PHIP: variants seen among roughly 807,000 people sequenced by gnomAD.
The protein encoded by PHIP is PH-interacting protein.
Under a neutral mutation model 236.8 loss-of-function variants are expected in PHIP, and 54 were observed. The ratio of observed to expected loss-of-function variants is 0.23; its 90% CI spans 0.18 to 0.29. The LOEUF (loss-of-function observed/expected upper bound fraction) is 0.29. Among genes scored for constraint, PHIP ranks in the 10% least tolerant of loss-of-function variants. The pLI is 1.00. For missense variants in PHIP, 1,370 were observed against 2,190.8 expected (o/e 0.63, Z 7.48); for synonymous variants, 756 against 718.9 (o/e 1.05, Z -0.83).
intron 24 of PHIP, among the ~76,000 whole-genome samples, chr6:78,977,149 G>A (rs1768151583): frequency 6.7e-6 from 1 of 148,588 alleles, no homozygotes; most frequent in Non-Finnish European, 1.5e-5. Context: ...ATGATAGACT[G>A]GATTAAGAAA....
chr6:78,977,561 A>G (rs2127713968), intron 24 of PHIP, among the ~76,000 whole-genome samples: 1 of 147,900 alleles, frequency 6.8e-6, no homozygotes, highest in South Asian at 2.3e-4. Context: ...GGAACTTTAA[A>G]TGATGGAATA....
intron 15 of PHIP, chr6:79,004,481 G>C: frequency 1.2e-6 from 1 of 804,536 alleles, no homozygotes; most frequent in Non-Finnish European, 1.5e-6. Context: ...TGAATTTTTT[G>C]CTCTCAGTGC....
chr6:79,077,859 G>C lies in PHIP; in HGVS notation c.95C>G (p.Ala32Gly). 6.5e-7 allele frequency: 1 copy of C among 1,540,524 alleles called. No homozygotes were observed. Among genetic ancestry groups the C allele is most frequent in the South Asian group, 1.2e-5 (1 of 83,762 alleles). Residue 32 changes from alanine to glycine, a missense_variant, in exon 2 of 40, where the codon GCT becomes GGT. Around this residue, in one of 14 missense-constraint regions of PHIP, gnomAD observed 43 missense variants for 53.8 expected, o/e 0.80. Transcript: ENST00000275034. Reference protein sequence around the residue: ...FLEDGPCQQAAQVLIREVAEK... With the variant: ...FLEDGPCQQAGQVLIREVAEK... Reference sequence around the variant, plus strand: ...CCGCGCCGCGCGCCGCCGTACCTGAGCCGCCTGCTGACAGGGTCCATCTTC... The same window carrying C: ...CCGCGCCGCGCGCCGCCGTACCTGACCCGCCTGCTGACAGGGTCCATCTTC...
intron 6 of PHIP, among the ~76,000 whole-genome samples, chr6:79,058,344 G>A (rs2127770568): frequency 6.6e-6 from 1 of 151,974 alleles, no homozygotes; most frequent in East Asian, 1.9e-4. Flanking sequence ...TGTGAATAAG[G>A]GAAGATAAAT....
chr6:79,069,680 T>G lies in PHIP; in HGVS notation c.189+7768A>C, dbSNP rs149081798. 4.0e-3 allele frequency among the ~76,000 whole-genome samples: 607 copies of G among 152,210 alleles called. 3 individuals are homozygous for G. The highest frequency in any genetic ancestry group is 5.3e-3 in the Non-Finnish European group (362 of 67,978). On this transcript the variant is annotated intron_variant, in intron 4 of 39. Transcript: ENST00000275034. The stretch of plus-strand genomic sequence containing the variant: ...CACGTAGATTTGATTAAAAACTTAA[T>G]AGAACCCATATAAGTCAGTACAAGT...
chr6:79,005,676 T>C (rs1462331758), intron 15 of PHIP, among the ~76,000 whole-genome samples: 6 of 152,026 alleles, frequency 3.9e-5, no homozygotes, highest in Non-Finnish European at 7.4e-5. Context: ...AGAAGTATAA[T>C]TACAAGTCTA....
Position 78,982,927 on chromosome 6 carries a change from T to A in PHIP, c.2728A>T (p.Ile910Leu), listed in dbSNP as rs763315306. 6.3e-7 allele frequency: 1 copy of A among 1,591,632 alleles called. No homozygotes were observed. Among genetic ancestry groups the A allele is most frequent in the South Asian group, 1.2e-5 (1 of 86,062 alleles). The change falls in exon 23 of 40, where the codon ATA becomes TTA. Residue 910 changes from isoleucine to leucine, a missense_variant. By Grantham distance (5) the Ile-to-Leu change is conservative. This residue lies in a region of PHIP where 76 missense variants were observed against 76.4 expected (regional missense o/e 0.99). Coordinates refer to ENST00000275034, the MANE Select transcript of PHIP (RefSeq NM_017934.7). ...KKVNEEKDGP[I>L]SPKKKKPKER... ...TTGGGCTTCTTTTTCTTTGGTGATA[T>A]TGGTCCATCTTTTTCTTCATTTACT...
intron 7 of PHIP, among the ~76,000 whole-genome samples, chr6:79,042,128 C>A (rs935458377): frequency 2.6e-5 from 4 of 151,954 alleles, no homozygotes; most frequent in Non-Finnish European, 5.9e-5. Flanking sequence ...TAAATATCAT[C>A]ATAATAGTGT....
intron 4 of PHIP, among the ~76,000 whole-genome samples, chr6:79,073,110 G>A (rs1321804351): frequency 2.0e-5 from 3 of 152,042 alleles, no homozygotes; most frequent in African/African-American, 4.8e-5. Context: ...TCCAGCTCCC[G>A]CTTTATGCTC....
At chr6:79,033,300 C>G (rs1007091896) in intron 7 of PHIP, among the ~76,000 whole-genome samples, 1 of 152,148 alleles carries the variant, frequency 6.6e-6, no homozygotes, top group Admixed American at 6.6e-5. Flanking sequence ...CTTTTTGAAG[C>G]TTTGAAGCCA....
At chr6:78,997,660 G>T in intron 18 of PHIP, 63 bp from the exon 19 acceptor site, 1 of 1,234,290 alleles carries the variant, frequency 8.1e-7, no homozygotes, top group East Asian at 2.5e-5. Context: ...GTTTATAACA[G>T]AAAAAAGAGA....
At chr6:78,962,616 G>T (rs1452844855) in intron 30 of PHIP, among the ~76,000 whole-genome samples, 3 of 152,106 alleles carry the variant, frequency 2.0e-5, no homozygotes, top group Non-Finnish European at 4.4e-5. Context: ...CCAGAATTTA[G>T]ATAATCAAGT....
At chr6:79,066,387 A>G (rs1547731) in intron 4 of PHIP, among the ~76,000 whole-genome samples, 68,401 of 151,946 alleles carry the variant, frequency 0.45, 16,072 homozygotes, top group East Asian at 0.7. Flanking sequence ...TAAAAAAATT[A>G]TAGAATTTAT....
At chr6:78,976,221 C>G (rs1306494510) in intron 24 of PHIP, among the ~76,000 whole-genome samples, 2 of 148,416 alleles carry the variant, frequency 1.3e-5, no homozygotes, top group Non-Finnish European at 3.0e-5. Flanking sequence ...AATAACGCCG[C>G]ATATCTACAA....
In PHIP at chr6:78,946,202, CA is replaced by C. The variant is rs1773808709; in HGVS notation, c.4428del (p.Ala1477HisfsTer18). The C allele has an allele frequency of 6.2e-7, 1 of 1,613,198 alleles. No homozygotes were observed. Among genetic ancestry groups the C allele is most frequent in the Non-Finnish European group, 8.5e-7 (1 of 1,179,346 alleles). On this transcript the variant is annotated frameshift_variant, in exon 38 of 40. Coordinates refer to ENST00000275034, the MANE Select transcript of PHIP (RefSeq NM_017934.7). LOFTEE classifies it high-confidence loss of function. ...KPQLKSESST[S>X]AFSTPTRSIP... ...ATTGATCGTGTAGGTGTAGAGAATG[CA>C]GAGGTAGAGCTTTCTGATTTTAGCT...
intron 15 of PHIP, among the ~76,000 whole-genome samples, chr6:79,009,884 T>G (rs990208929): frequency 6.7e-6 from 1 of 148,520 alleles, no homozygotes; most frequent in African/African-American, 2.5e-5. Context: ...ATAAGAGAGA[T>G]ATAATCTAAA....
chr6:79,051,480 A>G (rs550883977), intron 6 of PHIP, among the ~76,000 whole-genome samples: 10 of 152,344 alleles, frequency 6.6e-5, no homozygotes, highest in East Asian at 1.9e-4. Flanking sequence ...CTTTAATACT[A>G]TAACTAAAAT....
chr6:78,988,320 A>G lies in PHIP; in HGVS notation c.2349T>C (p.Leu783=). 2 of 1,605,192 alleles carry G rather than the reference A, an allele frequency of 1.2e-6. No individual in the cohort carries two copies. Among genetic ancestry groups the G allele is most frequent in the Non-Finnish European group, 1.7e-6 (2 of 1,174,238 alleles). ...TTGTCTGTTGCTTTTTGGATTCTCC[A>G]AGATCCAGGAAATGCTCATGAGCAT... ...KNHAHEHFLD[L]GESKKQQTNQ... Residue 783 remains leucine, a synonymous_variant, in exon 21 of 40, where the codon CTT becomes CTC. Coordinates refer to ENST00000275034, the MANE Select transcript of PHIP (RefSeq NM_017934.7).
At position 79,015,502 on chromosome 6, in the gene PHIP, C is replaced by T; in HGVS notation, c.1389+128G>A. On this transcript the variant is annotated intron_variant, in intron 14 of 39. Transcript: ENST00000275034. ...GCACTGTTAAAATTATTCCCAATCA[C>T]TCACAAAGCCGTTACCCCAGCAAGC... 4 of 708,118 alleles carry T rather than the reference C, an allele frequency of 5.6e-6. No homozygotes were observed. The South Asian group carries it at 7.9e-5, about 14-fold the overall frequency. The allele number at this position is 708,118 out of a possible 1,614,324, so 43.9% of individuals were successfully genotyped here. A position where few individuals can be genotyped will look rare whatever the true frequency, so the allele number is the denominator to read the frequency against.
Sources: allele counts gnomAD v4.1 joint callset (sites outside exome capture counted in the v4.1 genomes callset), GRCh38; gene constraint gnomAD v4.1.1; regional missense constraint gnomAD v4.1.1; transcripts MANE v1.5; gene names NCBI Gene and HGNC (gene_info 2026-07-23, HGNC 2026-07-21).